Variants in AHCYL2 observed in about 807,000 individuals in gnomAD.
The protein encoded by AHCYL2 is adenosylhomocysteinase like 2.
In AHCYL2, 28 loss-of-function variants were observed where a neutral mutation model predicts 81.4. That is an observed-to-expected ratio of 0.34 (90% CI 0.25 to 0.47). AHCYL2 has a LOEUF of 0.47. Ranked by LOEUF, AHCYL2 falls within the 20% of genes least tolerant of loss-of-function variation. AHCYL2 has a pLI of 1.00. For synonymous variants in AHCYL2, 272 were observed against 290.2 expected, an observed-to-expected ratio of 0.94 and a Z score of 0.64; for missense variants, 551 against 785.1, an observed-to-expected ratio of 0.70 and a Z score of 3.56.
chr7:129,352,937 C>CTTTTTTTTTTTTTTTTTTTT (rs59762582), intron 1 of AHCYL2, among the ~76,000 whole-genome samples: 2 of 82,556 alleles, frequency 2.4e-5, no homozygotes, highest in Non-Finnish European at 4.5e-5. Flanking sequence ...CCTCCTCATT[C>CTTTTTTTTTTTTTTTTTTTT]TTTTTTTTTT....
At chr7:129,319,450 A>G (rs553105892) in intron 1 of AHCYL2, among the ~76,000 whole-genome samples, 45 of 142,538 alleles carry the variant, frequency 3.2e-4, no homozygotes, top group African/African-American at 1.2e-3. Flanking sequence ...ACTCTGTCGC[A>G]AAAAAAAAAA....
chr7:129,381,609 T>C (rs556267465), intron 2 of AHCYL2, among the ~76,000 whole-genome samples: 1 of 152,344 alleles, frequency 6.6e-6, no homozygotes, highest in East Asian at 1.9e-4. Flanking sequence ...TTCCCTCTAA[T>C]TGCTGACCTC....
At chr7:129,300,652 A>C (rs971469525) in intron 1 of AHCYL2, among the ~76,000 whole-genome samples, 1 of 152,220 alleles carries the variant, frequency 6.6e-6, no homozygotes, top group East Asian at 1.9e-4. Flanking sequence ...TTTCTTTTGA[A>C]TATATGTCCA....
At chr7:129,410,325 T>C in intron 11 of AHCYL2, 1 of 1,614,256 alleles carries the variant, frequency 6.2e-7, no homozygotes, top group Admixed American at 1.7e-5. Flanking sequence ...AACTCTTCAA[T>C]GTCATCAAGC....
intron 1 of AHCYL2, among the ~76,000 whole-genome samples, chr7:129,355,839 G>A (rs924088490): frequency 6.6e-6 from 1 of 152,070 alleles, no homozygotes; most frequent in Non-Finnish European, 1.5e-5. Context: ...GATTTGCTTT[G>A]GAACTAATTG....
intron 1 of AHCYL2, among the ~76,000 whole-genome samples, chr7:129,340,394 C>T (rs1326131177): frequency 6.6e-6 from 1 of 150,898 alleles, no homozygotes; most frequent in African/African-American, 2.4e-5. Context: ...GGTGAAACCC[C>T]GTCTCTACTA....
At chr7:129,397,644 G>GA (rs1795808953) in intron 5 of AHCYL2, among the ~76,000 whole-genome samples, 1 of 152,212 alleles carries the variant, frequency 6.6e-6, no homozygotes. Flanking sequence ...GATTAAAGGA[G>GA]AAAATGCTTC....
intron 6 of AHCYL2, among the ~76,000 whole-genome samples, chr7:129,402,070 A>G (rs77591495): frequency 0.015 from 2,308 of 152,350 alleles, 59 homozygotes; most frequent in African/African-American, 0.052. Context: ...AAGAATAGTG[A>G]AACTTACAAC....
intron 1 of AHCYL2, among the ~76,000 whole-genome samples, chr7:129,261,868 A>G (rs1394147967): frequency 2.0e-5 from 3 of 152,122 alleles, no homozygotes; most frequent in African/African-American, 7.2e-5. Context: ...CTTTTCTCCT[A>G]TTTCAGGCTT....
intron 1 of AHCYL2, among the ~76,000 whole-genome samples, chr7:129,304,023 GT>G (rs2150766590): frequency 6.6e-6 from 1 of 152,168 alleles, no homozygotes; most frequent in South Asian, 2.1e-4. Context: ...GGAGCTGGAG[GT>G]TGCATTGAGC....
intron 1 of AHCYL2, among the ~76,000 whole-genome samples, chr7:129,248,394 C>T (rs1390827273): frequency 6.6e-6 from 1 of 152,138 alleles, no homozygotes; most frequent in African/African-American, 2.4e-5. Flanking sequence ...ATACTTAAAT[C>T]ATTTCTACAT....
Position 129,368,392 on chromosome 7 carries a change from A to T in AHCYL2, c.364-11246A>T. ...TCTGCTAGCCACTGTGAACTTCTGA[A>T]TCTCACTAGGGTTGGGTCTGCTTTG... On this transcript the variant is annotated intron_variant, in intron 1 of 16. Coordinates refer to ENST00000325006, the MANE Select transcript of AHCYL2 (RefSeq NM_015328.4). The surrounding 1 kb of genome is among the most constrained non-coding windows in gnomAD (Gnocchi z 4.4). The T allele has an allele frequency of 6.4e-7, 1 of 1,569,390 alleles. No individual in the cohort carries two copies. Among genetic ancestry groups the T allele is most frequent in the Non-Finnish European group, 8.6e-7 (1 of 1,157,712 alleles).
At chr7:129,402,294 A>C (rs1796075229) in intron 6 of AHCYL2, among the ~76,000 whole-genome samples, 1 of 152,202 alleles carries the variant, frequency 6.6e-6, no homozygotes. Flanking sequence ...GTTCTCAAGC[A>C]AGGTTTGAGT....
At chr7:129,336,320 G>A (rs1056988538) in intron 1 of AHCYL2, among the ~76,000 whole-genome samples, 21 of 151,874 alleles carry the variant, frequency 1.4e-4, no homozygotes, top group South Asian at 4.2e-4. Context: ...CACCTGCCTC[G>A]GCCTCCCAAA....
intron 1 of AHCYL2, among the ~76,000 whole-genome samples, chr7:129,236,052 G>T (rs1794633227): frequency 7.2e-6 from 1 of 138,968 alleles, no homozygotes. Context: ...AGTTTTTTGA[G>T]ACTCTGTCAC....
At chr7:129,318,873 T>C (rs1797916944) in intron 1 of AHCYL2, among the ~76,000 whole-genome samples, 1 of 152,036 alleles carries the variant, frequency 6.6e-6, no homozygotes, top group Non-Finnish European at 1.5e-5. Flanking sequence ...ATTTCTGAGA[T>C]TTTGGTACAC....
intron 1 of AHCYL2, among the ~76,000 whole-genome samples, chr7:129,328,404 C>G (rs947662627): frequency 4.0e-5 from 6 of 151,746 alleles, no homozygotes; most frequent in African/African-American, 1.5e-4. Context: ...TCTTGAACTC[C>G]TGACCTTGTG....
intron 1 of AHCYL2, among the ~76,000 whole-genome samples, chr7:129,246,986 T>G (rs1181251120): frequency 6.6e-6 from 1 of 152,220 alleles, no homozygotes; most frequent in Non-Finnish European, 1.5e-5. Context: ...ACATTTAGAT[T>G]ATATCATCTT....
intron 1 of AHCYL2, among the ~76,000 whole-genome samples, chr7:129,239,553 C>T (rs886603939): frequency 2.6e-5 from 4 of 151,858 alleles, no homozygotes; most frequent in African/African-American, 9.7e-5. Context: ...CTCAAGCAGT[C>T]CTCCTGCCTT....
Sources: gnomAD v4.1 joint callset for allele counts (sites outside exome capture counted in the v4.1 genomes callset) on GRCh38, gnomAD v4.1.1 for gene constraint, Gnocchi (gnomAD v3.1) non-coding constraint, MANE v1.5 for transcripts, NCBI Gene and HGNC (gene_info 2026-07-23, HGNC 2026-07-21) for gene names.